The following IL6ST variants were observed in gnomAD, a reference collection of about 807,000 sequenced individuals.
IL6ST encodes the protein interleukin 6 cytokine family signal transducer.
Under a neutral mutation model 91.3 loss-of-function variants are expected in IL6ST, and 24 were observed. The ratio of observed to expected loss-of-function variants is 0.26; its 90% CI spans 0.19 to 0.37. The LOEUF (loss-of-function observed/expected upper bound fraction) is 0.37, where lower values mean the gene tolerates loss of function less well. Ranked by LOEUF, IL6ST falls within the 10% of genes least tolerant of loss-of-function variation. The pLI is 1.00. For synonymous variants in IL6ST, 351 were observed against 373.6 expected (o/e 0.94, Z 0.70); for missense variants, 914 against 1,078.5 (o/e 0.85, Z 2.14).
Position 55,938,451 on chromosome 5 carries a change from C to A in IL6ST, c.*2631G>T. On this transcript the variant is annotated 3_prime_UTR_variant, in exon 17 of 17. Coordinates refer to ENST00000381298, the MANE Select transcript of IL6ST (RefSeq NM_002184.4). Reference sequence around the variant, plus strand: ...GGATACCACAGACATCAGTAACTGACAAGTTATAATATCAACACATGTAAC... The same window carrying A: ...GGATACCACAGACATCAGTAACTGAAAAGTTATAATATCAACACATGTAAC... 5.1e-6 allele frequency: 1 copy of A among 194,296 alleles called. No individual in the cohort carries two copies. The highest frequency in any genetic ancestry group is 8.1e-5 in the East Asian group (1 of 12,322). The allele number at this position is 194,296 out of a possible 1,614,324, so 12.0% of individuals were successfully genotyped here.
At position 55,955,147 on chromosome 5, in the gene IL6ST, T is replaced by A. The variant is rs187528422; in HGVS notation, c.1268-155A>T. On this transcript the variant is annotated intron_variant, in intron 10 of 16. Transcript: ENST00000381298. ...TTATTATAACTTACAGGTAAAGTAGTCAATTTTTAAACTTAGATTTTGCTT... is the reference window on the plus strand; with the variant it reads ...TTATTATAACTTACAGGTAAAGTAGACAATTTTTAAACTTAGATTTTGCTT... Among the ~76,000 whole-genome samples the A allele has an allele frequency of 5.1e-4, 78 of 152,346 alleles. 1 individual carries two copies. Among genetic ancestry groups the A allele is most frequent in the Non-Finnish European group, 5.9e-4 (40 of 68,034 alleles).
Position 55,951,508 on chromosome 5 carries a change from C to T in IL6ST, c.1796G>A (p.Gly599Asp). The T allele has an allele frequency of 6.2e-7, 1 of 1,613,452 alleles. No individual in the cohort carries two copies. Among genetic ancestry groups the T allele is most frequent in the Non-Finnish European group, 8.5e-7 (1 of 1,179,438 alleles). The change falls in exon 14 of 17, where the codon GGT (glycine) becomes GAT (aspartate). Residue 599 changes from glycine to aspartate, a missense_variant. By Grantham distance (94) the Gly-to-Asp change is moderately conservative. Transcript: ENST00000381298. ...AGTGAATTCTGGACCATCCTTCCCACCTTCATCTGTGTATGCTGCCATTCG... is the reference window on the plus strand; with the variant it reads ...AGTGAATTCTGGACCATCCTTCCCATCTTCATCTGTGTATGCTGCCATTCG... ...MVRMAAYTDE[G>D]GKDGPEFTFT...
intron 14 of IL6ST, among the ~76,000 whole-genome samples, chr5:55,949,756 TA>T (rs1751502453): frequency 6.6e-6 from 1 of 152,232 alleles, no homozygotes; most frequent in African/African-American, 2.4e-5. Context: ...TCATTTATTT[TA>T]TGTAGTCACT....
intron 14 of IL6ST, among the ~76,000 whole-genome samples, chr5:55,950,355 G>A (rs1008076674): frequency 6.6e-6 from 1 of 151,282 alleles, no homozygotes; most frequent in Non-Finnish European, 1.5e-5. Context: ...CAGCCAACAT[G>A]GTGAAACCCC....
Position 55,986,407 on chromosome 5 carries a change from T to G in IL6ST, c.-103-3596A>C, listed in dbSNP as rs150023014. On this transcript the variant is annotated intron_variant, in intron 1 of 16. Coordinates refer to ENST00000381298, the MANE Select transcript of IL6ST (RefSeq NM_002184.4). ...ATAGCCAATTCTGTCTTACTTTGATTAGTGTTATCATGACATATCCTCTCC... is the reference window on the plus strand; with the variant it reads ...ATAGCCAATTCTGTCTTACTTTGATGAGTGTTATCATGACATATCCTCTCC... Among the ~76,000 whole-genome samples, 208 of 152,318 alleles carry G rather than the reference T, an allele frequency of 1.4e-3. No individual in the cohort carries two copies. The Middle Eastern group carries it at 0.017, about 12-fold the overall frequency.
chr5:55,968,107 A>G (rs1455235827), intron 5 of IL6ST, among the ~76,000 whole-genome samples, 169 bp downstream of exon 5: 1 of 152,170 alleles, frequency 6.6e-6, no homozygotes, highest in Non-Finnish European at 1.5e-5. Context: ...GATTACAGGC[A>G]TGAGCCACCG....
intron 10 of IL6ST, 113 bp downstream of exon 10, chr5:55,955,912 C>A: frequency 3.4e-6 from 2 of 596,212 alleles, no homozygotes; most frequent in East Asian, 2.7e-5. Context: ...AAGTGATTAT[C>A]CCTGATACTG....
At chr5:55,960,635 CT>C (rs879908312) in intron 7 of IL6ST, 74 bp from the exon 8 acceptor site, 4,359 of 1,313,460 alleles carry the variant, frequency 3.3e-3, no homozygotes, top group South Asian at 4.7e-3. Flanking sequence ...AATTCAGAAA[CT>C]TTTTTTTTTG....
intron 2 of IL6ST, among the ~76,000 whole-genome samples, chr5:55,982,089 T>C (rs997289209): frequency 1.3e-5 from 2 of 152,230 alleles, no homozygotes; most frequent in African/African-American, 4.8e-5. Context: ...TTACTTTCAT[T>C]TCCATATGTT....
chr5:55,994,345 C>A (rs917707673), intron 1 of IL6ST: 5 of 152,042 alleles, frequency 3.3e-5, no homozygotes, highest in Non-Finnish European at 5.9e-5. Context: ...TTCAACAAAG[C>A]TGAAACGTTA....
In IL6ST at chr5:55,951,623, G is replaced by A; in HGVS notation, c.1700-19C>T. Reference sequence around the variant, plus strand: ...TTCACAGCTGGAAGAAATAAGAACTGTGCTTCATTCAACTATTCAATGCTT... The same window carrying A: ...TTCACAGCTGGAAGAAATAAGAACTATGCTTCATTCAACTATTCAATGCTT... On this transcript the variant is annotated intron_variant, in intron 13 of 16. Coordinates refer to ENST00000381298, the MANE Select transcript of IL6ST (RefSeq NM_002184.4). 6.2e-7 allele frequency: 1 copy of A among 1,603,658 alleles called. No homozygotes were observed. The highest frequency in any genetic ancestry group is 8.5e-7 in the Non-Finnish European group (1 of 1,176,172).
rs1034582973 is a variant in IL6ST, at chr5:55,951,787, T to C, written c.1699+142A>G. 1.0e-5 allele frequency: 8 copies of C among 771,220 alleles called. No individual in the cohort carries two copies. The Admixed American group carries it at 2.5e-4, about 24-fold the overall frequency. The allele number at this position is 771,220 out of a possible 1,614,324, so 47.8% of individuals were successfully genotyped here. A position where few individuals can be genotyped will look rare whatever the true frequency, so the allele number is the denominator to read the frequency against. ...ACACAATACTTTTTCAATAAATCCA[T>C]GAAAGTAACCATAAGGCAAATTCTC... On this transcript the variant is annotated intron_variant, in intron 13 of 16. Transcript: ENST00000381298.
intron 1 of IL6ST, among the ~76,000 whole-genome samples, chr5:55,990,052 C>T (rs1309782064): frequency 2.0e-5 from 3 of 152,098 alleles, no homozygotes; most frequent in African/African-American, 4.8e-5. Flanking sequence ...AAGCTGATTG[C>T]TTAAAAGAAA....
rs551794180 is a variant in IL6ST at position 55,983,782 on chromosome 5, A to G, written c.-103-971T>C. Among the ~76,000 whole-genome samples, 4 of 152,330 alleles carry G rather than the reference A, an allele frequency of 2.6e-5. No individual in the cohort carries two copies. In the South Asian group the frequency reaches 6.2e-4, roughly 24 times the overall value. On this transcript the variant is annotated intron_variant, in intron 1 of 16. Transcript: ENST00000381298. The stretch of plus-strand genomic sequence containing the variant: ...GATATTCTTGCAAAATTTTTTATAC[A>G]TGTATTATATAACTTTACATTGTAT...
chr5:55,945,824 G>C (rs537114378), intron 15 of IL6ST, among the ~76,000 whole-genome samples: 7 of 151,830 alleles, frequency 4.6e-5, no homozygotes, highest in African/African-American at 1.4e-4. Context: ...CTAAGTTTTT[G>C]TATTTTTAGT....
chr5:55,991,759 T>A (rs1188496472), intron 1 of IL6ST, among the ~76,000 whole-genome samples: 1 of 151,026 alleles, frequency 6.6e-6, no homozygotes, highest in African/African-American at 2.4e-5. Context: ...AAAAAAAAAA[T>A]CCTTTCCTCA....
At chr5:55,990,897 ACC>A (rs1371418557) in intron 1 of IL6ST, among the ~76,000 whole-genome samples, 4 of 62,794 alleles carry the variant, frequency 6.4e-5, no homozygotes, top group Non-Finnish European at 1.2e-4. Flanking sequence ...CCCTCCCCCT[ACC>A]CCATGACAGG....
In IL6ST at chr5:55,938,364, A is replaced by G. The variant is rs1247729338; in HGVS notation, c.*2718T>C. ...AAAATTTTAGGTTTTAATGGTACAA[A>G]GTGTGAAGTTTTATAGTTTTCTAAT... is the stretch of plus-strand genomic sequence containing the variant. On this transcript the variant is annotated 3_prime_UTR_variant, in exon 17 of 17. Transcript: ENST00000381298. The G allele has an allele frequency of 1.6e-5, 3 of 191,416 alleles. No homozygotes were observed. Among genetic ancestry groups the G allele is most frequent in the Non-Finnish European group, 3.3e-5 (3 of 91,410 alleles). 11.9% of individuals were successfully genotyped at this position (191,416 alleles called of 1,614,324 possible).
intron 11 of IL6ST, among the ~76,000 whole-genome samples, chr5:55,952,557 A>C (rs1408686737): frequency 6.6e-6 from 1 of 152,222 alleles, no homozygotes; most frequent in Non-Finnish European, 1.5e-5. Context: ...GCAGTGGATA[A>C]AAAATACATT....
Sources: allele counts gnomAD v4.1 joint callset (sites outside exome capture counted in the v4.1 genomes callset), GRCh38; gene constraint gnomAD v4.1.1; transcripts MANE v1.5; gene names NCBI Gene and HGNC (gene_info 2026-07-23, HGNC 2026-07-21).